The following NELL1 variants were observed in gnomAD, a reference collection of about 807,000 sequenced individuals.
The protein encoded by NELL1 is protein kinase C-binding protein NELL1.
A neutral mutation model predicts 107.4 loss-of-function variants in NELL1; 76 were observed. The ratio of observed to expected loss-of-function variants is 0.71; its 90% CI spans 0.59 to 0.86. The LOEUF (loss-of-function observed/expected upper bound fraction) is 0.86. Among genes scored for constraint, NELL1 ranks in the 40% least tolerant of loss-of-function variants. The probability of loss-of-function intolerance (pLI) is 0.00; values close to 1 mark genes in which losing one functional copy is unlikely to be tolerated. For synonymous variants in NELL1, 353 were observed against 341.2 expected, an observed-to-expected ratio of 1.03 and a Z score of -0.38; for missense variants, 1,024 against 1,005.5, an observed-to-expected ratio of 1.02 and a Z score of -0.25.
At chr11:20,731,024 C>T (rs1855626953) in intron 2 of NELL1, among the ~76,000 whole-genome samples, 2 of 152,138 alleles carry the variant, frequency 1.3e-5, no homozygotes, top group Admixed American at 6.5e-5. Flanking sequence ...TCTAAATGCA[C>T]TTTATTTTCC....
At chr11:21,161,417 A>T (rs1856366621) in intron 13 of NELL1, among the ~76,000 whole-genome samples, 1 of 152,132 alleles carries the variant, frequency 6.6e-6, no homozygotes, top group Admixed American at 6.5e-5. Context: ...CACGCCGGTA[A>T]TCCCAGCTAC....
chr11:20,786,882 C>A (rs1202063071), intron 3 of NELL1, among the ~76,000 whole-genome samples: 1 of 151,624 alleles, frequency 6.6e-6, no homozygotes, highest in Non-Finnish European at 1.5e-5. Context: ...GTGGCGGGCG[C>A]CTGTAGTCCC....
chr11:21,293,891 G>A (rs192100621), intron 14 of NELL1, among the ~76,000 whole-genome samples: 24 of 152,188 alleles, frequency 1.6e-4, no homozygotes, highest in Middle Eastern at 6.8e-3. Context: ...GAAAACACAT[G>A]GAAACAGGGA....
intron 2 of NELL1, among the ~76,000 whole-genome samples, chr11:20,702,313 C>G (rs149623833): frequency 0.035 from 5,347 of 152,162 alleles, 319 homozygotes; most frequent in African/African-American, 0.12. Flanking sequence ...CTCTGTTTGT[C>G]TGTTATTGGT....
At chr11:21,147,282 T>C (rs1186697475) in intron 13 of NELL1, among the ~76,000 whole-genome samples, 1 of 152,142 alleles carries the variant, frequency 6.6e-6, no homozygotes, top group Admixed American at 6.5e-5. Flanking sequence ...TCTCAGAGCC[T>C]TTGCTAGCTA....
intron 12 of NELL1, among the ~76,000 whole-genome samples, chr11:21,010,992 A>G (rs1270116951): frequency 6.6e-6 from 1 of 152,060 alleles, no homozygotes; most frequent in East Asian, 1.9e-4. Context: ...CTTCCTTGAA[A>G]TTACTCCCAA....
At chr11:21,381,159 C>T (rs985475216) in intron 15 of NELL1, among the ~76,000 whole-genome samples, 5 of 152,138 alleles carry the variant, frequency 3.3e-5, no homozygotes, top group Admixed American at 3.3e-4. Context: ...GGCAATTAAA[C>T]TTAACAGATT....
rs954604321 is a variant in NELL1, at chr11:20,875,263, A to G, written c.507-10181A>G. Among the ~76,000 whole-genome samples, 3 of 152,024 alleles carry G rather than the reference A, an allele frequency of 2.0e-5. No individual in the cohort carries two copies. The South Asian group carries it at 6.2e-4, about 32-fold the overall frequency. On this transcript the variant is annotated intron_variant, in intron 4 of 19. Transcript: ENST00000357134. Reference sequence around the variant, plus strand: ...AGCAGCATATTTACCCTAACTTTGGACCCTTTTCATTTTTCCGTGTGAAAT... The same window carrying G: ...AGCAGCATATTTACCCTAACTTTGGGCCCTTTTCATTTTTCCGTGTGAAAT...
intron 13 of NELL1, among the ~76,000 whole-genome samples, chr11:21,197,805 C>T (rs1310938947): frequency 6.6e-6 from 1 of 152,156 alleles, no homozygotes; most frequent in Non-Finnish European, 1.5e-5. Context: ...ACTTTCATTT[C>T]AACCCAGTTT....
intron 14 of NELL1, among the ~76,000 whole-genome samples, chr11:21,302,984 C>A (rs1849527725): frequency 6.6e-6 from 1 of 151,754 alleles, no homozygotes; most frequent in Non-Finnish European, 1.5e-5. Context: ...TCACTGGGGC[C>A]CTGGTATTTG....
intron 9 of NELL1, among the ~76,000 whole-genome samples, chr11:20,932,389 T>C (rs1268490279): frequency 6.6e-6 from 1 of 152,176 alleles, no homozygotes; most frequent in Non-Finnish European, 1.5e-5. Flanking sequence ...GAAAGGGGAA[T>C]AGTGTGTTTG....
At chr11:20,826,647 C>T (rs990579968) in intron 3 of NELL1, among the ~76,000 whole-genome samples, 11 of 151,188 alleles carry the variant, frequency 7.3e-5, no homozygotes, top group South Asian at 4.2e-4. Flanking sequence ...GATTAGGAAC[C>T]GGCTGGGGGA....
chr11:21,339,969 AG>A (rs1658607027), intron 14 of NELL1, among the ~76,000 whole-genome samples: 1 of 152,156 alleles, frequency 6.6e-6, no homozygotes, highest in African/African-American at 2.4e-5. Flanking sequence ...AGTCATAAGG[AG>A]ACAGACCATG....
At chr11:21,531,935 C>G (rs1856000724) in intron 15 of NELL1, among the ~76,000 whole-genome samples, 1 of 152,182 alleles carries the variant, frequency 6.6e-6, no homozygotes, top group African/African-American at 2.4e-5. Context: ...TTATATACTA[C>G]TGTGACTACC....
At chr11:21,322,525 A>G (rs1055656348) in intron 14 of NELL1, among the ~76,000 whole-genome samples, 3 of 152,322 alleles carry the variant, frequency 2.0e-5, no homozygotes, top group Non-Finnish European at 2.9e-5. Flanking sequence ...ACAAAAGCAC[A>G]CACACATACA....
At chr11:21,394,015 A>G (rs1851932853) in intron 15 of NELL1, among the ~76,000 whole-genome samples, 1 of 151,636 alleles carries the variant, frequency 6.6e-6, no homozygotes, top group African/African-American at 2.4e-5. Context: ...TGAAGTTATA[A>G]TGGTAATTAT....
chr11:20,805,151 CTA>C (rs1857355561), intron 3 of NELL1, among the ~76,000 whole-genome samples: 1 of 151,942 alleles, frequency 6.6e-6, no homozygotes, highest in African/African-American at 2.4e-5. Flanking sequence ...TATTTTCAGT[CTA>C]TGTGTGTCTT....
chr11:21,385,310 A>G (rs946243036), intron 15 of NELL1, among the ~76,000 whole-genome samples: 1 of 151,954 alleles, frequency 6.6e-6, no homozygotes, highest in Non-Finnish European at 1.5e-5. Flanking sequence ...TTACTGAAAA[A>G]GCAGACAATT....
chr11:20,982,635 G>T (rs1218418544), intron 12 of NELL1, among the ~76,000 whole-genome samples: 1 of 152,218 alleles, frequency 6.6e-6, no homozygotes, highest in African/African-American at 2.4e-5. Context: ...CCTTCATTTT[G>T]TAGAAGAGGA....
Sources: gnomAD v4.1 joint callset for allele counts (sites outside exome capture counted in the v4.1 genomes callset) on GRCh38, gnomAD v4.1.1 for gene constraint, MANE v1.5 for transcripts, NCBI Gene and HGNC (gene_info 2026-07-23, HGNC 2026-07-21) for gene names.